The following ETNK1 variants were observed in gnomAD, a reference collection of about 807,000 sequenced individuals.
ETNK1 encodes the protein putative protein product of Nbla10396.
A neutral mutation model predicts 45.1 loss-of-function variants in ETNK1; 8 were observed. That is an observed-to-expected ratio of 0.18 (90% CI 0.10 to 0.32). The LOEUF is 0.32. ETNK1 is among the 10% of genes least tolerant of loss of function. The pLI is 1.00. For synonymous variants in ETNK1, 152 were observed against 151.9 expected, an observed-to-expected ratio of 1.00 and a Z score of -0.01; for missense variants, 302 against 430.6, an observed-to-expected ratio of 0.70 and a Z score of 2.64.
At chr12:22,666,657 A>C (rs962206299) in intron 4 of ETNK1, among the ~76,000 whole-genome samples, 11 of 152,174 alleles carry the variant, frequency 7.2e-5, no homozygotes, top group Non-Finnish European at 1.5e-5. Flanking sequence ...CAGTAATGGC[A>C]ATCACTGTTT....
At position 22,671,293 on chromosome 12, in the gene ETNK1, A is replaced by G; in HGVS notation, c.722A>G (p.Tyr241Cys). Residue 241 changes from tyrosine (Y) to cysteine (C), a missense_variant, in exon 5 of 8, where the codon TAT becomes TGT. Coordinates refer to ENST00000266517, the MANE Select transcript of ETNK1 (RefSeq NM_018638.5). ...ATAGGTGATGTACAGTTCATTGATT[A>G]TGAATATTCTGGATACAACTACCTG... ...EKQGDVQFID[Y>C]EYSGYNYLAY... 1 of 1,609,992 alleles carries G rather than the reference A, an allele frequency of 6.2e-7. No homozygotes were observed. Among genetic ancestry groups the G allele is most frequent in the Non-Finnish European group, 8.5e-7 (1 of 1,176,682 alleles).
intron 1 of ETNK1, among the ~76,000 whole-genome samples, chr12:22,627,381 T>C (rs1953516647): frequency 1.3e-5 from 2 of 152,170 alleles, no homozygotes; most frequent in South Asian, 2.1e-4. Context: ...TATTTGTAAG[T>C]GCAGGTAAAT....
intron 1 of ETNK1, chr12:22,625,994 T>G: frequency 2.5e-6 from 1 of 407,318 alleles, no homozygotes; most frequent in Non-Finnish European, 4.8e-6. Flanking sequence ...CTCTGATCTT[T>G]CCTTCCTCTC....
intron 7 of ETNK1, 143 bp from the exon 8 acceptor site, chr12:22,684,739 G>A: frequency 1.3e-6 from 1 of 742,328 alleles, no homozygotes; most frequent in Non-Finnish European, 2.2e-6. Context: ...AAAGTGTCCA[G>A]TAGGTGGTGC....
At chr12:22,647,668 G>T (rs946038575) in intron 2 of ETNK1, among the ~76,000 whole-genome samples, 1 of 151,848 alleles carries the variant, frequency 6.6e-6, no homozygotes, top group Admixed American at 6.6e-5. Context: ...ACTCAAAGGG[G>T]ATATATAAAA....
intron 2 of ETNK1, among the ~76,000 whole-genome samples, chr12:22,655,643 A>G (rs1309269263): frequency 6.7e-6 from 1 of 148,440 alleles, no homozygotes; most frequent in East Asian, 2.0e-4. Context: ...AGCCTATAGG[A>G]TATTTGTATA....
chr12:22,657,755 A>G (rs886607294), intron 2 of ETNK1, among the ~76,000 whole-genome samples: 4 of 152,312 alleles, frequency 2.6e-5, no homozygotes, highest in Non-Finnish European at 5.9e-5. Flanking sequence ...TTCACTTACT[A>G]CTGAAGTGAG....
intron 2 of ETNK1, among the ~76,000 whole-genome samples, chr12:22,655,343 T>G (rs58108925): frequency 6.3e-5 from 9 of 142,800 alleles, no homozygotes; most frequent in African/African-American, 2.3e-4. Flanking sequence ...TTTTTTTTTT[T>G]TTTTTTTTTC....
At chr12:22,647,738 ATTG>A (rs1260354750) in intron 2 of ETNK1, among the ~76,000 whole-genome samples, 2 of 151,920 alleles carry the variant, frequency 1.3e-5, no homozygotes, top group Non-Finnish European at 2.9e-5. Flanking sequence ...TATTTTTGTT[ATTG>A]TTAGAATACA....
intron 1 of ETNK1, among the ~76,000 whole-genome samples, chr12:22,641,949 C>A (rs1317117687): frequency 6.6e-6 from 1 of 151,958 alleles, no homozygotes; most frequent in Non-Finnish European, 1.5e-5. Flanking sequence ...TGTCTCTAGC[C>A]CTTAAATGCA....
chr12:22,641,073 C>T (rs74973085), intron 1 of ETNK1, among the ~76,000 whole-genome samples: 3,895 of 152,092 alleles, frequency 0.026, 164 homozygotes, highest in African/African-American at 0.089. Flanking sequence ...AGAAGTATTA[C>T]CTGTACATCT....
At chr12:22,634,411 T>A (rs1323432833) in intron 1 of ETNK1, among the ~76,000 whole-genome samples, 2 of 152,184 alleles carry the variant, frequency 1.3e-5, no homozygotes, top group African/African-American at 4.8e-5. Context: ...TTTCTTATAG[T>A]GTCCTTGACA....
At chr12:22,654,602 A>G (rs1321089902) in intron 2 of ETNK1, among the ~76,000 whole-genome samples, 2 of 152,176 alleles carry the variant, frequency 1.3e-5, no homozygotes, top group African/African-American at 4.8e-5. Context: ...TATACCTGTT[A>G]AGTACCTCCT....
chr12:22,680,890 TC>T lies in ETNK1; in HGVS notation c.946-3588del, dbSNP rs139159553. On this transcript the variant is annotated intron_variant, in intron 6 of 7. Transcript: ENST00000266517. The stretch of plus-strand genomic sequence containing the variant: ...CGTAATGGCTTTGTGGAGCTTTTCT[TC>T]CCCCGCCCCCCCCTCCATTATATGC... Among the ~76,000 whole-genome samples, 21 of 53,228 alleles carry T rather than the reference TC, an allele frequency of 3.9e-4. 5 individuals carry two copies. Among genetic ancestry groups the T allele is most frequent in the African/African-American group, 7.8e-4 (17 of 21,752 alleles). 34.9% of individuals were successfully genotyped at this position (53,228 alleles called of 152,430 possible). A position where few individuals can be genotyped will look rare whatever the true frequency, so the allele number is the denominator to read the frequency against.
intron 6 of ETNK1, among the ~76,000 whole-genome samples, chr12:22,674,265 T>G (rs980659073): frequency 3.9e-5 from 6 of 152,348 alleles, no homozygotes; most frequent in Admixed American, 1.3e-4. Context: ...AGAATGATCT[T>G]TCAACTAAGG....
chr12:22,690,269 G>A lies in ETNK1; in HGVS notation c.*5315G>A, dbSNP rs1010917778. The A allele has an allele frequency of 6.6e-5, 10 of 152,618 alleles. No individual in the cohort carries two copies. Among genetic ancestry groups the A allele is most frequent in the African/African-American group, 2.4e-4 (10 of 41,570 alleles). The allele number at this position is 152,618 out of a possible 1,614,324, so 9.5% of individuals were successfully genotyped here. On this transcript the variant is annotated 3_prime_UTR_variant, in exon 8 of 8. Transcript: ENST00000266517. Reference sequence around the variant, plus strand: ...GATGTAGGTGTTTTGCTATGCCTCAGAAAATATCTGTCTGAGAATTTGTTA... The same window carrying A: ...GATGTAGGTGTTTTGCTATGCCTCAAAAAATATCTGTCTGAGAATTTGTTA...
At position 22,685,008 on chromosome 12, in the gene ETNK1, T is replaced by C. The variant is rs987525040; in HGVS notation, c.*54T>C. 8.2e-6 allele frequency: 11 copies of C among 1,344,020 alleles called. No homozygotes were observed. Among genetic ancestry groups the C allele is most frequent in the Non-Finnish European group, 1.1e-5 (11 of 969,254 alleles). The allele number at this position is 1,344,020 out of a possible 1,614,324, so 83.3% of individuals were successfully genotyped here. The stretch of plus-strand genomic sequence containing the variant: ...TGAGCAATGCTTGTGAATCTTTTCT[T>C]AAGAAATCCCAAAAAGCCAATATTA... On this transcript the variant is annotated 3_prime_UTR_variant, in exon 8 of 8. Transcript: ENST00000266517.
chr12:22,675,756 CA>C (rs1193829203), intron 6 of ETNK1, among the ~76,000 whole-genome samples: 20 of 152,166 alleles, frequency 1.3e-4, no homozygotes, highest in Admixed American at 5.2e-4. Flanking sequence ...ATGAAATGAA[CA>C]ACAGATATAT....
At chr12:22,643,732 T>C (rs1240866231) in intron 1 of ETNK1, 31 bp from the exon 2 acceptor site, 3 of 1,563,448 alleles carry the variant, frequency 1.9e-6, no homozygotes, top group Non-Finnish European at 2.6e-6. Flanking sequence ...TAATTGCTTT[T>C]TTTCCCATTT....
Sources: gnomAD v4.1 joint callset for allele counts (sites outside exome capture counted in the v4.1 genomes callset) on GRCh38, gnomAD v4.1.1 for gene constraint, MANE v1.5 for transcripts, NCBI Gene and HGNC (gene_info 2026-07-23, HGNC 2026-07-21) for gene names.